FTO: variants seen among roughly 807,000 people sequenced by gnomAD.
The protein encoded by FTO is alpha-ketoglutarate-dependent dioxygenase FTO.
Under a neutral mutation model 63.9 loss-of-function variants are expected in FTO, and 47 were observed. That is an observed-to-expected ratio of 0.74 (90% CI 0.58 to 0.94). The LOEUF (loss-of-function observed/expected upper bound fraction) is 0.94. Among genes scored for constraint, FTO ranks in the 40% least tolerant of loss-of-function variants. The probability of loss-of-function intolerance (pLI) is 0.00; values close to 1 mark genes in which losing one functional copy is unlikely to be tolerated. For synonymous variants in FTO, 207 were observed against 224.4 expected (o/e 0.92, Z 0.69); for missense variants, 562 against 618.1 (o/e 0.91, Z 0.96).
chr16:53,873,376 G>A (rs889820735), intron 4 of FTO, among the ~76,000 whole-genome samples: 6 of 151,802 alleles, frequency 4.0e-5, no homozygotes, highest in African/African-American at 7.3e-5. Flanking sequence ...ATTGTTAATA[G>A]CATCCCCTTT....
chr16:53,838,442 C>T (rs1196345216), intron 3 of FTO, among the ~76,000 whole-genome samples: 1 of 152,020 alleles, frequency 6.6e-6, no homozygotes, highest in Non-Finnish European at 1.5e-5. Flanking sequence ...TTCTGAGTAG[C>T]TGGGATTACA....
intron 3 of FTO, among the ~76,000 whole-genome samples, chr16:53,839,957 AC>A (rs2079425444): frequency 6.6e-6 from 1 of 151,984 alleles, no homozygotes; most frequent in Non-Finnish European, 1.5e-5. Context: ...GGCACGCACC[AC>A]CACACCCAGC....
At chr16:53,982,554 T>C (rs183834955) in intron 8 of FTO, among the ~76,000 whole-genome samples, 2 of 152,282 alleles carry the variant, frequency 1.3e-5, no homozygotes, top group African/African-American at 4.8e-5. Flanking sequence ...TAATACCTGC[T>C]TGCATGAACT....
At chr16:53,797,421 G>T (rs953537699) in intron 1 of FTO, among the ~76,000 whole-genome samples, 1 of 152,182 alleles carries the variant, frequency 6.6e-6, no homozygotes, top group Non-Finnish European at 1.5e-5. Context: ...GGAGGTTTAG[G>T]GGGAGGCCTG....
intron 8 of FTO, among the ~76,000 whole-genome samples, chr16:54,034,749 A>T (rs549023882): frequency 6.6e-6 from 1 of 152,338 alleles, no homozygotes; most frequent in South Asian, 2.1e-4. Context: ...ACATTTGCAC[A>T]TAAGTTAGCT....
chr16:53,930,969 G>T (rs1055173310), intron 7 of FTO, among the ~76,000 whole-genome samples: 1 of 152,156 alleles, frequency 6.6e-6, no homozygotes. Context: ...TGATTTGACA[G>T]ATATTTTGTG....
chr16:53,820,650 C>T (rs185490005), intron 2 of FTO, among the ~76,000 whole-genome samples: 1 of 149,132 alleles, frequency 6.7e-6, no homozygotes, highest in Admixed American at 6.7e-5. Context: ...CACAACAGTC[C>T]CCAGAGTGTA....
intron 1 of FTO, among the ~76,000 whole-genome samples, chr16:53,760,621 C>CTTTTTTTTT (rs1169039527): frequency 1.8e-5 from 2 of 112,038 alleles, no homozygotes; most frequent in Non-Finnish European, 1.8e-5. Context: ...TGCTTGCTTT[C>CTTTTTTTTT]TTTTTTTTTT....
chr16:53,937,554 C>G (rs1259991334), intron 8 of FTO: 1 of 315,834 alleles, frequency 3.2e-6, no homozygotes, highest in African/African-American at 2.1e-5. Flanking sequence ...TAGGGTCACT[C>G]TCTGATAATG....
At chr16:53,873,588 A>G (rs2080563631) in intron 4 of FTO, among the ~76,000 whole-genome samples, 198 bp from the exon 5 acceptor site, 1 of 151,288 alleles carries the variant, frequency 6.6e-6, no homozygotes, top group Non-Finnish European at 1.5e-5. Flanking sequence ...GTAGATACGC[A>G]TATAATGGAA....
At chr16:53,973,441 A>C (rs1188661634) in intron 8 of FTO, among the ~76,000 whole-genome samples, 1 of 152,232 alleles carries the variant, frequency 6.6e-6, no homozygotes, top group Non-Finnish European at 1.5e-5. Flanking sequence ...CACAGACTTA[A>C]TTGTTCACCC....
chr16:53,704,316 G>T, intron 1 of FTO, 87 bp downstream of exon 1: 1 of 1,327,258 alleles, frequency 7.5e-7, no homozygotes, highest in Non-Finnish European at 1.1e-6. Flanking sequence ...ATGGCGAGCG[G>T]ATGCGCGGTG....
chr16:53,944,061 T>G (rs990644573), intron 8 of FTO, among the ~76,000 whole-genome samples: 1 of 152,216 alleles, frequency 6.6e-6, no homozygotes, highest in Non-Finnish European at 1.5e-5. Context: ...CCTGTGATAA[T>G]GCACTCAAGT....
chr16:54,068,764 C>T (rs1202231606), intron 8 of FTO, among the ~76,000 whole-genome samples: 5 of 152,146 alleles, frequency 3.3e-5, no homozygotes, highest in African/African-American at 7.2e-5. Flanking sequence ...TTGTGCATGG[C>T]TGTGGAGTGC....
At chr16:53,903,372 C>T (rs145464491) in intron 7 of FTO, among the ~76,000 whole-genome samples, 2,183 of 152,016 alleles carry the variant, frequency 0.014, 24 homozygotes, top group Middle Eastern at 0.038. Context: ...GATTCTCCTG[C>T]CTCAGCCTCC....
intron 8 of FTO, among the ~76,000 whole-genome samples, chr16:54,032,444 A>G (rs538145702): frequency 7.2e-5 from 11 of 152,304 alleles, no homozygotes; most frequent in African/African-American, 1.9e-4. Flanking sequence ...GAAGACCTAA[A>G]GTGCACAACA....
At chr16:53,897,805 A>G (rs181239025) in intron 7 of FTO, among the ~76,000 whole-genome samples, 22 of 152,276 alleles carry the variant, frequency 1.4e-4, no homozygotes, top group Admixed American at 1.2e-3. Context: ...TCCAAAACCC[A>G]AGTTTTGATT....
chr16:53,957,370 C>A (rs1011811328), intron 8 of FTO, among the ~76,000 whole-genome samples: 2 of 152,182 alleles, frequency 1.3e-5, no homozygotes, highest in Non-Finnish European at 2.9e-5. Flanking sequence ...GAGTGTGTTG[C>A]TTTGAGATCT....
intron 8 of FTO, among the ~76,000 whole-genome samples, chr16:54,054,325 GA>G (rs1434034934): frequency 2.6e-5 from 4 of 152,156 alleles, no homozygotes; most frequent in Non-Finnish European, 5.9e-5. Context: ...AGAAACTGTA[GA>G]AACGGGGTGG....
Sources: gnomAD v4.1 joint callset for allele counts (sites outside exome capture counted in the v4.1 genomes callset) on GRCh38, gnomAD v4.1.1 for gene constraint, MANE v1.5 for transcripts, NCBI Gene and HGNC (gene_info 2026-07-23, HGNC 2026-07-21) for gene names.